Variants in WDR17 observed in about 807,000 individuals in gnomAD.
WDR17 encodes WD repeat-containing protein 17.
Under a neutral mutation model 161.7 loss-of-function variants are expected in WDR17, and 143 were observed. That is an observed-to-expected ratio of 0.88 (90% confidence interval 0.77 to 1.02). The LOEUF is 1.02. Among genes scored for constraint, WDR17 ranks in the 50% least tolerant of loss-of-function variants. The pLI is 0.00. For synonymous variants in WDR17, 517 were observed against 515.6 expected, an observed-to-expected ratio of 1.00 and a Z score of -0.04; for missense variants, 1,469 against 1,520.9, an observed-to-expected ratio of 0.97 and a Z score of 0.57.
chr4:176,066,565 A>T (rs1357144239), intron 1 of WDR17, among the ~76,000 whole-genome samples: 30 of 152,164 alleles, frequency 2.0e-4, no homozygotes, highest in Non-Finnish European at 8.8e-5. Flanking sequence ...TATACTATTT[A>T]TTAAGTAGAT....
intron 12 of WDR17, 141 bp downstream of exon 12, chr4:176,146,300 C>T (rs1441782279): frequency 2.8e-5 from 23 of 828,468 alleles, no homozygotes; most frequent in Admixed American, 3.6e-5. Context: ...GTGGCGTGAT[C>T]GTGGTTTACT....
chr4:176,070,478 A>C (rs1733077559), intron 1 of WDR17, among the ~76,000 whole-genome samples: 3 of 152,100 alleles, frequency 2.0e-5, no homozygotes, highest in Non-Finnish European at 4.4e-5. Flanking sequence ...TTTCGAGTTT[A>C]GTTAGTTTAT....
chr4:176,154,905 A>G (rs1185581109), intron 17 of WDR17, among the ~76,000 whole-genome samples: 1 of 152,164 alleles, frequency 6.6e-6, no homozygotes, highest in Non-Finnish European at 1.5e-5. Context: ...TGAAATCTGT[A>G]TTTTCATATA....
chr4:176,177,546 A>G lies in WDR17; in HGVS notation c.3624A>G (p.Leu1208=). The change falls in exon 28 of 29, where the codon CTA becomes CTG. Residue 1208 remains leucine, a synonymous_variant. Transcript: ENST00000508596. ...TTTATGCAACTTTATTAAAGAGACT[A>G]AAAGAAGAGTCACTGAAAGGAATTA... is the stretch of plus-strand genomic sequence containing the variant. ...RMIYATLLKR[L]KEESLKGIIG... 1 of 1,602,054 alleles carries G rather than the reference A, an allele frequency of 6.2e-7. No individual in the cohort carries two copies. The highest frequency in any genetic ancestry group is 8.5e-7 in the Non-Finnish European group (1 of 1,177,050).
chr4:176,178,151 G>A (rs1751742984), intron 28 of WDR17, among the ~76,000 whole-genome samples: 1 of 151,656 alleles, frequency 6.6e-6, no homozygotes, highest in Non-Finnish European at 1.5e-5. Flanking sequence ...GGCAGGTTTT[G>A]TCATAGCCAC....
chr4:176,067,836 G>T (rs1732719482), intron 1 of WDR17, among the ~76,000 whole-genome samples: 1 of 152,172 alleles, frequency 6.6e-6, no homozygotes, highest in Non-Finnish European at 1.5e-5. Flanking sequence ...AGAAGTTTAA[G>T]AACAGGTTTC....
At chr4:176,074,769 A>G (rs1733741526) in intron 1 of WDR17, among the ~76,000 whole-genome samples, 1 of 150,216 alleles carries the variant, frequency 6.7e-6, no homozygotes, top group Non-Finnish European at 1.5e-5. Flanking sequence ...ATTCCCTGCT[A>G]CAAGAATAAA....
intron 2 of WDR17, among the ~76,000 whole-genome samples, chr4:176,115,318 A>C (rs1453055180): frequency 6.6e-6 from 1 of 152,012 alleles, no homozygotes; most frequent in Admixed American, 6.6e-5. Context: ...TCCAAAAAAA[A>C]CAATAAAATA....
chr4:176,171,444 C>A (rs889065322), intron 23 of WDR17, among the ~76,000 whole-genome samples: 1 of 152,126 alleles, frequency 6.6e-6, no homozygotes. Flanking sequence ...GATGGGGAAA[C>A]AATATCAAAC....
chr4:176,152,804 G>A (rs560898415), intron 17 of WDR17, among the ~76,000 whole-genome samples: 596 of 142,086 alleles, frequency 4.2e-3, no homozygotes, highest in Non-Finnish European at 6.8e-3. Flanking sequence ...GCATGGTGGC[G>A]TATTCCTGTA....
intron 15 of WDR17, 133 bp from the exon 16 acceptor site, chr4:176,150,335 A>T (rs1391546558): frequency 1.0e-5 from 15 of 1,438,028 alleles, no homozygotes; most frequent in Non-Finnish European, 1.4e-5. Flanking sequence ...TAGAAACAAT[A>T]CATGAGATAA....
In WDR17 at chr4:176,149,933, G is replaced by T. The variant is rs1746840189; in HGVS notation, c.2024G>T (p.Trp675Leu). Residue 675 changes from tryptophan (W) to leucine (L), a missense_variant, in exon 14 of 29, where the codon TGG (tryptophan) becomes TTG (leucine). Trp to Leu is a moderately conservative substitution (Grantham distance 61, BLOSUM62 -2). Transcript: ENST00000508596. Reference sequence around the variant, plus strand: ...ATAAATATTCTGGCAGACAGATCTTGGGAAGAAATTATTGGGAACACTGGT... The same window carrying T: ...ATAAATATTCTGGCAGACAGATCTTTGGAAGAAATTATTGGGAACACTGGT... ...VQINILADRS[W>L]EEIIGNTDYA... The T allele has an allele frequency of 6.2e-7, 1 of 1,612,736 alleles. No homozygotes were observed. The highest frequency in any genetic ancestry group is 8.5e-7 in the Non-Finnish European group (1 of 1,179,832).
At chr4:176,104,557 A>G (rs778444743) in intron 1 of WDR17, among the ~76,000 whole-genome samples, 3 of 152,038 alleles carry the variant, frequency 2.0e-5, no homozygotes, top group Non-Finnish European at 4.4e-5. Flanking sequence ...AGGCCACACA[A>G]TATATAAAGA....
chr4:176,168,810 G>C, intron 23 of WDR17, 27 bp downstream of exon 23: 2 of 1,598,700 alleles, frequency 1.3e-6, no homozygotes, highest in Non-Finnish European at 1.7e-6. Flanking sequence ...AAATATTCTG[G>C]TTTGGAATGC....
At chr4:176,085,913 A>C (rs1579008357) in intron 1 of WDR17, among the ~76,000 whole-genome samples, 1 of 152,114 alleles carries the variant, frequency 6.6e-6, no homozygotes, top group East Asian at 1.9e-4. Flanking sequence ...CTTTTCTACT[A>C]GAAAGAAGTG....
In WDR17 at chr4:176,125,254, A is replaced by T; in HGVS notation, c.689A>T (p.Glu230Val). 6.2e-7 allele frequency: 1 copy of T among 1,614,124 alleles called. No homozygotes were observed. The highest frequency in any genetic ancestry group is 8.5e-7 in the Non-Finnish European group (1 of 1,180,016). ...TATGGAATTCGCCTGGTAGATTCTG[A>T]ATCACTTTCTTGCATAACAACATTT... ...LHYGIRLVDS[E>V]SLSCITTFNL... Residue 230 changes from glutamate (E) to valine (V), a missense_variant, in exon 5 of 29, where the codon GAA becomes GTA. Transcript: ENST00000508596.
At chr4:176,101,925 A>C (rs1233607002) in intron 1 of WDR17, among the ~76,000 whole-genome samples, 2 of 152,218 alleles carry the variant, frequency 1.3e-5, no homozygotes, top group Admixed American at 1.3e-4. Flanking sequence ...TGTAAAACTC[A>C]TAGAAGGTAA....
intron 1 of WDR17, among the ~76,000 whole-genome samples, chr4:176,104,953 A>T (rs997330271): frequency 5.9e-5 from 9 of 152,028 alleles, no homozygotes; most frequent in African/African-American, 7.2e-5. Flanking sequence ...GAATTAATTT[A>T]AAAAAAGATC....
At chr4:176,100,143 A>G (rs1302776645) in intron 1 of WDR17, among the ~76,000 whole-genome samples, 1 of 152,130 alleles carries the variant, frequency 6.6e-6, no homozygotes, top group Non-Finnish European at 1.5e-5. Context: ...AATTTTAGTT[A>G]TTTGTGAAAT....
Sources: gnomAD v4.1 joint callset for allele counts (sites outside exome capture counted in the v4.1 genomes callset) on GRCh38, gnomAD v4.1.1 for gene constraint, MANE v1.5 for transcripts, NCBI Gene and HGNC (gene_info 2026-07-23, HGNC 2026-07-21) for gene names.